The following GRID2 variants were observed in gnomAD, a reference collection of about 807,000 sequenced individuals.
GRID2 encodes the protein glutamate ionotropic receptor delta type subunit 2, also known as glutamate receptor ionotropic, delta-2.
GRID2 carries 33 observed loss-of-function variants against 114.8 expected under a neutral mutation model. The ratio of observed to expected loss-of-function variants is 0.29; its 90% CI spans 0.22 to 0.38. GRID2 has a LOEUF of 0.38. GRID2 is among the 10% of genes least tolerant of loss of function. GRID2 has a pLI of 1.00. For missense variants in GRID2, 1,184 were observed against 1,257.7 expected, an observed-to-expected ratio of 0.94 and a Z score of 0.89; for synonymous variants, 505 against 449.9, an observed-to-expected ratio of 1.12 and a Z score of -1.55.
intron 4 of GRID2, among the ~76,000 whole-genome samples, chr4:93,174,938 C>T (rs1739208693): frequency 6.6e-6 from 1 of 152,130 alleles, no homozygotes; most frequent in South Asian, 2.1e-4. Context: ...AATTCATGTG[C>T]AGGTTTTTGT....
At chr4:92,449,712 A>ATATAG (rs1383896886) in intron 1 of GRID2, among the ~76,000 whole-genome samples, 3 of 67,680 alleles carry the variant, frequency 4.4e-5, no homozygotes, top group African/African-American at 6.5e-5. Flanking sequence ...TATATATATA[A>ATATAG]CACTTAAGCC....
chr4:93,682,128 A>G (rs1725619127), intron 14 of GRID2, among the ~76,000 whole-genome samples: 2 of 151,854 alleles, frequency 1.3e-5, no homozygotes, highest in South Asian at 4.1e-4. Flanking sequence ...AAGGATATGA[A>G]CAGACACTTC....
intron 5 of GRID2, among the ~76,000 whole-genome samples, chr4:93,216,207 T>A (rs1475897890): frequency 6.8e-6 from 1 of 147,356 alleles, no homozygotes; most frequent in Non-Finnish European, 1.5e-5. Context: ...AACTTATATA[T>A]CCTCTTGCTC....
chr4:93,212,357 G>A (rs913239420), intron 5 of GRID2, among the ~76,000 whole-genome samples: 1 of 151,974 alleles, frequency 6.6e-6, no homozygotes, highest in South Asian at 2.1e-4. Context: ...TTTTTCATTT[G>A]CATTAAGTGT....
chr4:92,947,075 C>G (rs1430022574), intron 2 of GRID2, among the ~76,000 whole-genome samples: 1 of 151,988 alleles, frequency 6.6e-6, no homozygotes, highest in Non-Finnish European at 1.5e-5. Flanking sequence ...AGGTAGTCAA[C>G]ATAAAAGAAA....
intron 1 of GRID2, among the ~76,000 whole-genome samples, chr4:92,480,132 T>G (rs909471960): frequency 1.3e-5 from 2 of 152,104 alleles, no homozygotes; most frequent in Non-Finnish European, 2.9e-5. Context: ...TACACGTATC[T>G]TCTCAGTTCT....
chr4:93,676,945 G>A (rs1053107964), intron 14 of GRID2, among the ~76,000 whole-genome samples: 5 of 152,110 alleles, frequency 3.3e-5, no homozygotes, highest in African/African-American at 4.8e-5. Context: ...TGGGTGCAGC[G>A]CTCCATGCAC....
chr4:92,990,198 CTG>C (rs3970985), intron 2 of GRID2, among the ~76,000 whole-genome samples: 2,008 of 124,694 alleles, frequency 0.016, 22 homozygotes, highest in South Asian at 0.041. Context: ...TTAACATTTT[CTG>C]TGTGTGTGTG....
At chr4:93,637,817 T>C (rs963473667) in intron 14 of GRID2, among the ~76,000 whole-genome samples, 1 of 152,202 alleles carries the variant, frequency 6.6e-6, no homozygotes, top group Non-Finnish European at 1.5e-5. Flanking sequence ...ATGGAAGTTT[T>C]AATTCATCAT....
intron 11 of GRID2, among the ~76,000 whole-genome samples, chr4:93,464,481 C>A: frequency 8.2e-6 from 1 of 121,502 alleles, no homozygotes; most frequent in African/African-American, 4.3e-5. Context: ...TTAAAATCCC[C>A]ATCTTCAACT....
At chr4:93,614,894 C>T (rs977169784) in intron 13 of GRID2, among the ~76,000 whole-genome samples, 2 of 152,112 alleles carry the variant, frequency 1.3e-5, no homozygotes, top group Non-Finnish European at 2.9e-5. Flanking sequence ...TTTCTGTCCC[C>T]AAATATAGTA....
intron 1 of GRID2, among the ~76,000 whole-genome samples, chr4:92,525,682 A>G (rs1233086251): frequency 6.6e-6 from 1 of 152,120 alleles, no homozygotes; most frequent in Non-Finnish European, 1.5e-5. Context: ...TTTCCTAGAG[A>G]TGAGTGCAGA....
At chr4:92,452,058 T>G (rs1486648015) in intron 1 of GRID2, among the ~76,000 whole-genome samples, 1 of 152,100 alleles carries the variant, frequency 6.6e-6, no homozygotes, top group Non-Finnish European at 1.5e-5. Context: ...TATTATCCAT[T>G]CAGGATTGCA....
At chr4:93,437,789 C>G (rs1353808458) in intron 10 of GRID2, among the ~76,000 whole-genome samples, 1 of 152,086 alleles carries the variant, frequency 6.6e-6, no homozygotes, top group Non-Finnish European at 1.5e-5. Flanking sequence ...TTTCTCAACC[C>G]TAGCTAAACT....
intron 8 of GRID2, among the ~76,000 whole-genome samples, chr4:93,391,516 T>C (rs554681142): frequency 1.7e-4 from 26 of 152,280 alleles, no homozygotes; most frequent in African/African-American, 5.8e-4. Context: ...ACAGATGGGC[T>C]TCATTTGTTC....
chr4:93,579,266 C>G (rs150836696), intron 13 of GRID2, among the ~76,000 whole-genome samples: 1 of 152,146 alleles, frequency 6.6e-6, no homozygotes, highest in Non-Finnish European at 1.5e-5. Context: ...ACTACCCACA[C>G]AGTTCCAGTG....
At position 92,935,703 on chromosome 4, in the gene GRID2, C is replaced by G. The variant is rs1428465300; in HGVS notation, c.245-149292C>G. Among the ~76,000 whole-genome samples, 2 of 146,706 alleles carry G rather than the reference C, an allele frequency of 1.4e-5. 1 individual carries two copies. Among genetic ancestry groups the G allele is most frequent in the Non-Finnish European group, 3.0e-5 (2 of 66,374 alleles). ...ATATACACCATGGAATACTATGCAG[C>G]CATAAAAAATGATGAGTTCATGTCC... On this transcript the variant is annotated intron_variant, in intron 2 of 15. Transcript: ENST00000282020.
At chr4:93,095,856 T>G (rs1731178539) in intron 3 of GRID2, among the ~76,000 whole-genome samples, 1 of 152,082 alleles carries the variant, frequency 6.6e-6, no homozygotes, top group Non-Finnish European at 1.5e-5. Context: ...TCAAAAATCT[T>G]AAATTTTTAA....
intron 2 of GRID2, among the ~76,000 whole-genome samples, chr4:92,943,066 A>G (rs1320591787): frequency 6.6e-6 from 1 of 152,060 alleles, no homozygotes; most frequent in East Asian, 1.9e-4. Context: ...GCTCTTCTCG[A>G]GGAGTATCTT....
Sources: gnomAD v4.1 joint callset for allele counts (sites outside exome capture counted in the v4.1 genomes callset) on GRCh38, gnomAD v4.1.1 for gene constraint, MANE v1.5 for transcripts, NCBI Gene and HGNC (gene_info 2026-07-23, HGNC 2026-07-21) for gene names.